MTUS1: variants seen among roughly 807,000 people sequenced by gnomAD.
The protein encoded by MTUS1 is microtubule-associated tumor suppressor 1.
In MTUS1, 109 loss-of-function variants were observed where a neutral mutation model predicts 120.8. That is an observed-to-expected ratio of 0.90 (90% CI 0.77 to 1.06). MTUS1 has a LOEUF of 1.06. Among genes scored for constraint, MTUS1 ranks in the 50% least tolerant of loss-of-function variants. The pLI, the probability that MTUS1 is intolerant of heterozygous loss-of-function variation, is 0.00. For missense variants in MTUS1, 2,210 were observed against 1,486.3 expected, an observed-to-expected ratio of 1.49 and a Z score of -8.01; for synonymous variants, 737 against 550.5, an observed-to-expected ratio of 1.34 and a Z score of -4.74.
At chr8:17,795,592 G>A (rs866184485) in intron 1 of MTUS1, among the ~76,000 whole-genome samples, 1 of 151,224 alleles carries the variant, frequency 6.6e-6, no homozygotes, top group East Asian at 2.0e-4. Flanking sequence ...AGGGTAAAAT[G>A]TGTGTTTTTC....
chr8:17,648,224 A>C (rs35911991), intron 13 of MTUS1, among the ~76,000 whole-genome samples: 86,503 of 152,006 alleles, frequency 0.57, 25,426 homozygotes, highest in Middle Eastern at 0.71. Context: ...TAATTTCATC[A>C]GAGGCCTGTA....
chr8:17,780,489 T>C (rs1307377238), intron 1 of MTUS1, among the ~76,000 whole-genome samples: 1 of 152,214 alleles, frequency 6.6e-6, no homozygotes, highest in Non-Finnish European at 1.5e-5. Flanking sequence ...CTTCTTGTCC[T>C]AGTGTTCCTG....
Position 17,736,254 on chromosome 8 carries a change from G to A in MTUS1, c.2287+7350C>T, listed in dbSNP as rs376870414. ...CAAGCATTTACAAGTGATGATGTCCGTGAGGATGAAAAGAGGACATGTGCC... is the reference window on the plus strand; with the variant it reads ...CAAGCATTTACAAGTGATGATGTCCATGAGGATGAAAAGAGGACATGTGCC... On this transcript the variant is annotated intron_variant, in intron 3 of 14. Transcript: ENST00000693296. 1.2e-4 allele frequency among the ~76,000 whole-genome samples: 19 copies of A among 152,326 alleles called. No homozygotes were observed. The East Asian group carries it at 2.7e-3, about 22-fold the overall frequency.
chr8:17,660,396 C>T (rs957060701), intron 8 of MTUS1, among the ~76,000 whole-genome samples: 16 of 152,062 alleles, frequency 1.1e-4, no homozygotes, highest in Admixed American at 3.9e-4. Context: ...GATAATATTC[C>T]ATTGCACGTA....
chr8:17,656,942 C>G (rs1039544816), intron 8 of MTUS1, among the ~76,000 whole-genome samples: 2 of 150,594 alleles, frequency 1.3e-5, no homozygotes, highest in African/African-American at 4.9e-5. Flanking sequence ...GCCTGTAGTC[C>G]CAGCTACTCG....
In MTUS1 at chr8:17,754,890, T is replaced by C. The variant is rs2048481309; in HGVS notation, c.918A>G (p.Ala306=). Residue 306 remains alanine, a synonymous_variant, in exon 2 of 15, where the codon GCA becomes GCG. Coordinates refer to ENST00000693296, the MANE Select transcript of MTUS1 (RefSeq NM_001363059.2). The part of the protein sequence containing the change: ...SDGMEVPNDS[A]LQEFFCLSHD... Reference sequence around the variant, plus strand: ...GGGATAAACAAAAGAACTCTTGTAATGCAGAATCATTGGGGACTTCCATGC... The same window carrying C: ...GGGATAAACAAAAGAACTCTTGTAACGCAGAATCATTGGGGACTTCCATGC... 1 of 1,614,254 alleles carries C rather than the reference T, an allele frequency of 6.2e-7. No individual in the cohort carries two copies. The highest frequency in any genetic ancestry group is 8.5e-7 in the Non-Finnish European group (1 of 1,180,046).
intron 4 of MTUS1, among the ~76,000 whole-genome samples, chr8:17,721,499 A>G (rs1019437546): frequency 6.6e-6 from 1 of 152,224 alleles, no homozygotes; most frequent in African/African-American, 2.4e-5. Context: ...CTGCTGAATT[A>G]TATTAAGAGT....
chr8:17,789,554 T>C lies in MTUS1; in HGVS notation c.-155+11507A>G, dbSNP rs1468544807. ...AGTCCACTTGGTGAAAAGGAAATAATTTTCCATTTGAATCACGCCAACACC... is the reference window on the plus strand; with the variant it reads ...AGTCCACTTGGTGAAAAGGAAATAACTTTCCATTTGAATCACGCCAACACC... On this transcript the variant is annotated intron_variant, in intron 1 of 14. Coordinates refer to ENST00000693296, the MANE Select transcript of MTUS1 (RefSeq NM_001363059.2). Among the ~76,000 whole-genome samples, 3 of 152,186 alleles carry C rather than the reference T, an allele frequency of 2.0e-5. No individual in the cohort carries two copies. In the East Asian group the frequency reaches 5.8e-4, roughly 29 times the overall value.
intron 2 of MTUS1, among the ~76,000 whole-genome samples, chr8:17,749,462 C>T (rs942477785): frequency 2.0e-5 from 3 of 151,736 alleles, no homozygotes; most frequent in African/African-American, 4.8e-5. Context: ...AGTTCGAGAC[C>T]GGCCTGGCCA....
intron 5 of MTUS1, among the ~76,000 whole-genome samples, chr8:17,714,470 G>T (rs572122246): frequency 1.3e-5 from 2 of 152,264 alleles, no homozygotes; most frequent in South Asian, 2.1e-4. Flanking sequence ...CAAGTAACCA[G>T]AATCTGAAAC....
intron 1 of MTUS1, among the ~76,000 whole-genome samples, chr8:17,758,546 T>C (rs147386681): frequency 1.7e-3 from 264 of 152,358 alleles, no homozygotes; most frequent in African/African-American, 6.0e-3. Flanking sequence ...TCCTCCAGTA[T>C]AAAATACATC....
chr8:17,729,068 G>A (rs2046395467), intron 3 of MTUS1, among the ~76,000 whole-genome samples: 1 of 152,210 alleles, frequency 6.6e-6, no homozygotes, highest in Non-Finnish European at 1.5e-5. Flanking sequence ...TACGAGACAT[G>A]AGAATATGTA....
At chr8:17,778,054 C>T (rs1220190443) in intron 1 of MTUS1, among the ~76,000 whole-genome samples, 2 of 152,090 alleles carry the variant, frequency 1.3e-5, no homozygotes, top group African/African-American at 2.4e-5. Flanking sequence ...TCACTGATGC[C>T]ATTTTATTAT....
chr8:17,692,646 G>C (rs1285685116), intron 6 of MTUS1, among the ~76,000 whole-genome samples: 1 of 152,144 alleles, frequency 6.6e-6, no homozygotes, highest in Non-Finnish European at 1.5e-5. Context: ...ACAAAGAAGG[G>C]AAACAACAGA....
chr8:17,672,827 G>A (rs1005812157), intron 8 of MTUS1, among the ~76,000 whole-genome samples: 1 of 152,206 alleles, frequency 6.6e-6, no homozygotes, highest in Admixed American at 6.5e-5. Flanking sequence ...GGTGACAGTG[G>A]GCACAGACTG....
intron 8 of MTUS1, among the ~76,000 whole-genome samples, chr8:17,659,679 A>G (rs1809251782): frequency 6.6e-6 from 1 of 152,136 alleles, no homozygotes; most frequent in African/African-American, 2.4e-5. Context: ...GCCTGGCGAC[A>G]GGGAAAGACT....
intron 3 of MTUS1, among the ~76,000 whole-genome samples, chr8:17,729,218 G>C (rs1373454558): frequency 6.6e-6 from 1 of 152,020 alleles, no homozygotes; most frequent in Non-Finnish European, 1.5e-5. Context: ...ATAAAATCAG[G>C]GGAAACTTAA....
At position 17,767,063 on chromosome 8, in the gene MTUS1, T is replaced by C. The variant is rs183051830; in HGVS notation, c.-154-11102A>G. Among the ~76,000 whole-genome samples, 367 of 151,982 alleles carry C rather than the reference T, an allele frequency of 2.4e-3. 6 individuals are homozygous for C. Among genetic ancestry groups the C allele is most frequent in the South Asian group, 8.3e-4 (4 of 4,816 alleles). On this transcript the variant is annotated intron_variant, in intron 1 of 14. Transcript: ENST00000693296. ...TCCTGTTATCATCACATAGTGTGGG[T>C]GGGGAGAATGAATGGAAATCACTCC...
intron 3 of MTUS1, among the ~76,000 whole-genome samples, chr8:17,724,315 A>G (rs2046064129): frequency 6.6e-6 from 1 of 152,156 alleles, no homozygotes; most frequent in Non-Finnish European, 1.5e-5. Flanking sequence ...CAGGAAATTC[A>G]CTCATTTATA....
Sources: allele counts gnomAD v4.1 joint callset (sites outside exome capture counted in the v4.1 genomes callset), GRCh38; gene constraint gnomAD v4.1.1; transcripts MANE v1.5; gene names NCBI Gene and HGNC (gene_info 2026-07-23, HGNC 2026-07-21).